Variants in DCLRE1C observed in about 807,000 individuals in gnomAD.
The protein encoded by DCLRE1C is protein artemis.
DCLRE1C carries 47 observed loss-of-function variants against 61.4 expected under a neutral mutation model. The ratio of observed to expected loss-of-function variants is 0.77; its 90% CI spans 0.61 to 0.98. The LOEUF is 0.98. Among genes scored for constraint, DCLRE1C ranks in the 50% least tolerant of loss-of-function variants. DCLRE1C has a pLI of 0.00. For missense variants in DCLRE1C, 858 were observed against 816.0 expected (o/e 1.05, Z -0.63); for synonymous variants, 337 against 287.6 (o/e 1.17, Z -1.74).
Position 14,935,453 on chromosome 10 carries a change from G to A in DCLRE1C, c.464+10C>T, listed in dbSNP as rs1363387377. 6.2e-7 allele frequency: 1 copy of A among 1,612,826 alleles called. No individual in the cohort carries two copies. ...ATAAAATAAAATAAAACCTATACGA[G>A]GCCCAGTACCTGCCCCCGGAGTGCA... On this transcript the variant is annotated intron_variant, in intron 6 of 13. Transcript: ENST00000378278.
At position 14,919,773 on chromosome 10, in the gene DCLRE1C, T is replaced by A; in HGVS notation, c.1121A>T (p.Lys374Ile). The A allele has an allele frequency of 6.2e-7, 1 of 1,614,050 alleles. No homozygotes were observed. The highest frequency in any genetic ancestry group is 1.1e-5 in the South Asian group (1 of 91,074). Reference protein sequence around the residue: ...STEPKYKPLGKLKRARTVHRD... With the variant: ...STEPKYKPLGILKRARTVHRD... ...GTGAACTGTTCTAGCTCTCTTCAGT[T>A]TTCCCAGTGGTTTATACTTTGGCTC... Residue 374 changes from lysine to isoleucine, a missense_variant, in exon 13 of 14, where the codon AAA becomes ATA. Physicochemically the swap from Lys to Ile is moderately radical, Grantham distance 102 (BLOSUM62 -3). This residue lies in a region of DCLRE1C where 843 missense variants were observed against 783.5 expected (regional missense o/e 1.08). Coordinates refer to ENST00000378278, the MANE Select transcript of DCLRE1C (RefSeq NM_001033855.3).
In DCLRE1C at chr10:14,908,832, T is replaced by A. The variant is rs754013987; in HGVS notation, c.1655A>T (p.Asp552Val). Residue 552 changes from aspartate (D) to valine (V), a missense_variant, in exon 14 of 14, where the codon GAC becomes GTC. Physicochemically the swap from Asp to Val is radical, Grantham distance 152. Transcript: ENST00000378278. ...TAACAAAACAGTATCAGATTGGCTG[T>A]CCCAGCCTTGACTTCCTTGTTCTGT... ...HITEQGSQGW[D>V]SQSDTVLLSS... 4 of 1,614,104 alleles carry A rather than the reference T, an allele frequency of 2.5e-6. No individual in the cohort carries two copies. In the African/African-American group the frequency reaches 5.3e-5, roughly 22 times the overall value.
intron 2 of DCLRE1C, 63 bp downstream of exon 2, chr10:14,948,973 T>G (rs1407541352): frequency 8.7e-7 from 1 of 1,149,770 alleles, no homozygotes. Context: ...TATACTTTTC[T>G]GTACAGTTGT....
In DCLRE1C at chr10:14,953,895, C is replaced by CA; in HGVS notation, c.109+6dup. On this transcript the variant is annotated splice_region_variant and intron_variant, in intron 1 of 13. Coordinates refer to ENST00000378278, the MANE Select transcript of DCLRE1C (RefSeq NM_001033855.3). Reference sequence around the variant, plus strand: ...CCGGGAGCGGGCGACGCGCAGCCCTCACTCACCTTTGTGGCAGTGGGACAG... The same window carrying CA: ...CCGGGAGCGGGCGACGCGCAGCCCTCAACTCACCTTTGTGGCAGTGGGACAG... The CA allele has an allele frequency of 6.2e-7, 1 of 1,613,922 alleles. No homozygotes were observed. The highest frequency in any genetic ancestry group is 8.5e-7 in the Non-Finnish European group (1 of 1,179,934).
chr10:14,947,967 A>G (rs1841934823), intron 2 of DCLRE1C, among the ~76,000 whole-genome samples: 1 of 152,114 alleles, frequency 6.6e-6, no homozygotes, highest in Non-Finnish European at 1.5e-5. Context: ...GCTGAGGCAA[A>G]AGAATCACTC....
chr10:14,925,153 C>A (rs932378120), intron 11 of DCLRE1C, among the ~76,000 whole-genome samples: 2 of 151,214 alleles, frequency 1.3e-5, no homozygotes, highest in African/African-American at 2.4e-5. Flanking sequence ...TACCTGCCCG[C>A]CCAACACCGA....
intron 4 of DCLRE1C, 141 bp from the exon 5 acceptor site, chr10:14,936,734 C>A (rs1589080094): frequency 3.0e-6 from 2 of 657,474 alleles, no homozygotes; most frequent in East Asian, 5.7e-5. Flanking sequence ...ACTCCAAATC[C>A]TAGAAACAAG....
chr10:14,941,589 AT>A (rs1564461629), intron 3 of DCLRE1C, among the ~76,000 whole-genome samples: 1 of 152,196 alleles, frequency 6.6e-6, no homozygotes, highest in African/African-American at 2.4e-5. Flanking sequence ...GCCTAGCCAT[AT>A]CAGTTCTACA....
rs919860514 is a variant in DCLRE1C, at chr10:14,898,202, C to CTTTTTTTTTT, written c.*952_*961dup. ...AAAACTCAGTGAGGTAGTACTGTTT[C>CTTTTTTTTTT]TTTTTTTTTTTTTTTTTTTTTTTTT... On this transcript the variant is annotated 3_prime_UTR_variant, in exon 14 of 14. Coordinates refer to the DCLRE1C transcript ENST00000378289. The CTTTTTTTTTT allele has an allele frequency of 2.2e-3, 122 of 56,146 alleles. 10 individuals carry two copies. Among genetic ancestry groups the CTTTTTTTTTT allele is most frequent in the African/African-American group, 7.1e-3 (101 of 14,146 alleles). 3.5% of individuals were successfully genotyped at this position (56,146 alleles called of 1,614,324 possible). A position where few individuals can be genotyped will look rare whatever the true frequency, so the allele number is the denominator to read the frequency against.
intron 13 of DCLRE1C, among the ~76,000 whole-genome samples, chr10:14,913,959 ATCAG>A (rs1564380896): frequency 6.6e-6 from 1 of 152,232 alleles, no homozygotes; most frequent in East Asian, 1.9e-4. Context: ...ATTAAACAGA[ATCAG>A]TCAGTAATTA....
chr10:14,930,277 CCTT>C (rs1383460202), intron 9 of DCLRE1C, among the ~76,000 whole-genome samples: 42 of 127,474 alleles, frequency 3.3e-4, no homozygotes, highest in African/African-American at 1.2e-3. Flanking sequence ...ACACTCAGCA[CCTT>C]TTTTTTTTTT....
rs115421695 is a variant in DCLRE1C at position 14,908,696 on chromosome 10, G to A, written c.1791C>T (p.Cys597=). ...TCAAATCAGAGTAAGTATCCTTTGG[G>A]CAAATTACATTTTGTTCCATGAGAG... ...PASLMEQNVI[C]PKDTYSDLKS... is the part of the protein sequence containing the mutation. Residue 597 remains cysteine, a synonymous_variant, in exon 14 of 14, where the codon TGC becomes TGT. Transcript: ENST00000378278. 9.9e-5 allele frequency: 160 copies of A among 1,614,170 alleles called. No individual in the cohort carries two copies. In the African/African-American group the frequency reaches 1.9e-3, roughly 19 times the overall value.
At chr10:14,941,908 C>T (rs1015849196) in intron 3 of DCLRE1C, among the ~76,000 whole-genome samples, 2 of 152,170 alleles carry the variant, frequency 1.3e-5, no homozygotes, top group African/African-American at 2.4e-5. Flanking sequence ...TCTTCAGTGA[C>T]AATTGTTGAT....
upstream of DCLRE1C, chr10:14,954,275 T>A (rs1374963607): frequency 5.3e-6 from 3 of 568,792 alleles, no homozygotes; most frequent in Non-Finnish European, 9.4e-6. Flanking sequence ...CAAGGCTCAT[T>A]CCCGCCCAAC....
chr10:14,942,289 C>G (rs1402727685), intron 3 of DCLRE1C: 1 of 152,296 alleles, frequency 6.6e-6, no homozygotes, highest in Admixed American at 6.5e-5. Context: ...TCGGTCTGTC[C>G]TAGTGGGCCA....
chr10:14,937,443 T>G (rs1030430037), intron 4 of DCLRE1C, among the ~76,000 whole-genome samples: 1 of 151,980 alleles, frequency 6.6e-6, no homozygotes, highest in Non-Finnish European at 1.5e-5. Context: ...CCATCACGCC[T>G]GGCTAATTTT....
At chr10:14,939,709 G>A (rs1292438063) in intron 4 of DCLRE1C, 101 bp downstream of exon 4, 2 of 945,576 alleles carry the variant, frequency 2.1e-6, no homozygotes, top group Non-Finnish European at 3.3e-6. Flanking sequence ...TGAGGGTATA[G>A]CTGAGGGGTG....
At chr10:14,903,138 T>C (rs1480604166), downstream of DCLRE1C, 2 of 152,166 alleles carry the variant, frequency 1.3e-5, no homozygotes, top group Non-Finnish European at 2.9e-5. Context: ...TTGTGATGAG[T>C]GTATGTCTGA....
chr10:14,950,424 C>T (rs1328951714), intron 1 of DCLRE1C, among the ~76,000 whole-genome samples: 3 of 151,188 alleles, frequency 2.0e-5, no homozygotes, highest in Admixed American at 6.6e-5. Context: ...CTAATTACCA[C>T]GAGCACCACC....
Sources: gnomAD v4.1 joint callset for allele counts (sites outside exome capture counted in the v4.1 genomes callset) on GRCh38, gnomAD v4.1.1 for gene constraint, gnomAD v4.1.1 regional missense constraint, MANE v1.5 for transcripts, NCBI Gene and HGNC (gene_info 2026-07-23, HGNC 2026-07-21) for gene names.